RIMS1: variants seen among roughly 807,000 people sequenced by gnomAD.
RIMS1 encodes regulating synaptic membrane exocytosis protein 1.
Under a neutral mutation model 214.1 loss-of-function variants are expected in RIMS1, and 83 were observed. The observed-to-expected ratio is 0.39, with a 90% confidence interval of 0.32 to 0.47. RIMS1 has a LOEUF of 0.47. Among genes scored for constraint, RIMS1 ranks in the 20% least tolerant of loss-of-function variants. RIMS1 has a pLI of 0.99. For synonymous variants in RIMS1, 793 were observed against 786.8 expected (o/e 1.01, Z -0.13); for missense variants, 2,050 against 2,161.8 (o/e 0.95, Z 1.03).
intron 2 of RIMS1, among the ~76,000 whole-genome samples, chr6:72,007,536 A>C (rs1038621576): frequency 6.6e-6 from 1 of 152,334 alleles, no homozygotes; most frequent in Non-Finnish European, 1.5e-5. Context: ...GAGCTAAAGG[A>C]GGAAGTTTGA....
intron 2 of RIMS1, among the ~76,000 whole-genome samples, chr6:71,975,234 G>A (rs1029965499): frequency 2.0e-5 from 3 of 152,222 alleles, no homozygotes; most frequent in East Asian, 3.9e-4. Flanking sequence ...AGGATTGGAG[G>A]ACTTAAGAAA....
chr6:72,261,162 A>G, intron 19 of RIMS1: 1 of 1,030,056 alleles, frequency 9.7e-7, no homozygotes, highest in Non-Finnish European at 1.2e-6. Flanking sequence ...TCATAATTGT[A>G]AGTTTGCTCT....
chr6:72,293,407 A>C (rs1315339845), intron 26 of RIMS1, among the ~76,000 whole-genome samples: 1 of 151,938 alleles, frequency 6.6e-6, no homozygotes, highest in Non-Finnish European at 1.5e-5. Flanking sequence ...TTAATCTGGC[A>C]ATAACCCAGA....
intron 2 of RIMS1, among the ~76,000 whole-genome samples, chr6:71,980,504 A>T (rs1334377732): frequency 3.3e-5 from 5 of 152,154 alleles, no homozygotes; most frequent in Admixed American, 3.3e-4. Context: ...GAGTTGGAGG[A>T]ATACAAACCT....
intron 2 of RIMS1, among the ~76,000 whole-genome samples, chr6:72,011,190 CT>C (rs1454737509): frequency 6.6e-6 from 1 of 152,200 alleles, no homozygotes; most frequent in Non-Finnish European, 1.5e-5. Context: ...CTACAACTAT[CT>C]GATCTTTGAC....
intron 1 of RIMS1, among the ~76,000 whole-genome samples, chr6:71,966,737 G>A (rs1347062130): frequency 6.6e-6 from 1 of 152,034 alleles, no homozygotes; most frequent in African/African-American, 2.4e-5. Flanking sequence ...TGGCCAGTCT[G>A]GTCTCAAACT....
chr6:72,020,635 G>T (rs766499787), intron 2 of RIMS1, among the ~76,000 whole-genome samples: 1 of 152,102 alleles, frequency 6.6e-6, no homozygotes, highest in Non-Finnish European at 1.5e-5. Flanking sequence ...GTATTTGATG[G>T]TTTGTGGCTG....
intron 2 of RIMS1, among the ~76,000 whole-genome samples, chr6:71,992,402 CTCTCTTTCTTTCTT>C (rs1419691050): frequency 3.7e-4 from 53 of 144,118 alleles, no homozygotes; most frequent in Admixed American, 8.3e-4. Flanking sequence ...CTTTCTCTCT[CTCTCTTTCTTTCTT>C]TCTTTCTTTC....
chr6:72,162,479 G>A (rs2045584863), intron 4 of RIMS1, among the ~76,000 whole-genome samples: 1 of 140,704 alleles, frequency 7.1e-6, no homozygotes, highest in Non-Finnish European at 1.6e-5. Context: ...TTTCTTCCTA[G>A]CCTTGATGGT....
chr6:72,182,845 C>T lies in RIMS1; in HGVS notation c.1374C>T (p.Pro458=), dbSNP rs1348745544. 6 of 1,554,096 alleles carry T rather than the reference C, an allele frequency of 3.9e-6. No individual in the cohort carries two copies. Among genetic ancestry groups the T allele is most frequent in the Non-Finnish European group, 1.7e-6 (2 of 1,151,498 alleles). The part of the protein sequence containing the change: ...SPPAPRHGPV[P]AEAPELKAQE... ...CGGCGCCCAGACATGGGCCGGTTCCCGCAGAAGCCCCGGAGCTCAAAGCCC... is the reference window on the plus strand; with the variant it reads ...CGGCGCCCAGACATGGGCCGGTTCCTGCAGAAGCCCCGGAGCTCAAAGCCC... The change falls in exon 6 of 34, where the codon CCC becomes CCT. Residue 458 remains proline (P), a synonymous_variant. Coordinates refer to ENST00000521978, the MANE Select transcript of RIMS1 (RefSeq NM_014989.7).
intron 1 of RIMS1, among the ~76,000 whole-genome samples, chr6:71,954,169 T>C (rs183494634): frequency 6.6e-6 from 1 of 152,338 alleles, no homozygotes; most frequent in East Asian, 1.9e-4. Context: ...AATGTCCTTT[T>C]CCTTATCGTA....
At chr6:72,062,685 G>A (rs1462930333) in intron 2 of RIMS1, among the ~76,000 whole-genome samples, 1 of 152,156 alleles carries the variant, frequency 6.6e-6, no homozygotes, top group African/African-American at 2.4e-5. Flanking sequence ...CAACAGAAAT[G>A]TATTGCCGCA....
At chr6:72,334,377 T>C (rs1763472633) in intron 29 of RIMS1, among the ~76,000 whole-genome samples, 1 of 151,894 alleles carries the variant, frequency 6.6e-6, no homozygotes, top group African/African-American at 2.4e-5. Flanking sequence ...CAAGGAGTAA[T>C]GTTTTAATAC....
In RIMS1 at chr6:72,342,050, A is replaced by G. The variant is rs150891219; in HGVS notation, c.4366+8215A>G. Among the ~76,000 whole-genome samples the G allele has an allele frequency of 1.8e-3, 271 of 151,912 alleles. 2 individuals are homozygous for G. The highest frequency in any genetic ancestry group is 5.8e-3 in the African/African-American group (240 of 41,506). ...GTAATAGGTATTCTGTACCTTTCCA[A>G]TATTTTTCCACTATCAAAGTTTATT... On this transcript the variant is annotated intron_variant, in intron 29 of 33. Transcript: ENST00000521978.
intron 2 of RIMS1, among the ~76,000 whole-genome samples, chr6:71,977,717 A>G (rs1238553966): frequency 6.6e-6 from 1 of 152,056 alleles, no homozygotes; most frequent in Non-Finnish European, 1.5e-5. Flanking sequence ...GGCAGAAAGG[A>G]TGATGGTATG....
chr6:71,886,952 G>A lies in RIMS1; in HGVS notation c.-72G>A, dbSNP rs1191779124. On this transcript the variant is annotated 5_prime_UTR_variant, in exon 1 of 34. Coordinates refer to ENST00000521978, the MANE Select transcript of RIMS1 (RefSeq NM_014989.7). ...GCTCCGCTGTGAGGGGGAAGCAGGG[G>A]CGCAGCTGCTGGGCGTGCATCCGAA... The A allele has an allele frequency of 1.2e-5, 19 of 1,535,720 alleles. No individual in the cohort carries two copies. The highest frequency in any genetic ancestry group is 1.6e-5 in the Non-Finnish European group (18 of 1,131,276).
At chr6:71,910,487 G>A (rs1040037483) in intron 1 of RIMS1, among the ~76,000 whole-genome samples, 8 of 152,022 alleles carry the variant, frequency 5.3e-5, no homozygotes, top group Non-Finnish European at 1.2e-4. Flanking sequence ...TACACACTAG[G>A]CCACATTATG....
At chr6:71,961,045 T>C (rs56377907) in intron 1 of RIMS1, among the ~76,000 whole-genome samples, 10,091 of 152,206 alleles carry the variant, frequency 0.066, 389 homozygotes, top group Non-Finnish European at 0.08. Flanking sequence ...GTCTCCCTTC[T>C]TCCCCACCTC....
At chr6:72,221,273 G>T in intron 6 of RIMS1, among the ~76,000 whole-genome samples, 1 of 150,276 alleles carries the variant, frequency 6.7e-6, no homozygotes, top group East Asian at 1.9e-4. Context: ...ATTATGGTAG[G>T]CCCAAAGATC....
Sources: gnomAD v4.1 joint callset for allele counts (sites outside exome capture counted in the v4.1 genomes callset) on GRCh38, gnomAD v4.1.1 for gene constraint, MANE v1.5 for transcripts, NCBI Gene and HGNC (gene_info 2026-07-23, HGNC 2026-07-21) for gene names.